Variants in THBS4 observed in about 807,000 individuals in gnomAD.
The protein encoded by THBS4 is thrombospondin 4.
A neutral mutation model predicts 115.7 loss-of-function variants in THBS4; 90 were observed. That is an observed-to-expected ratio of 0.78 (90% CI 0.66 to 0.93). The LOEUF is 0.93. THBS4 is among the 40% of genes least tolerant of loss of function. The pLI is 0.00. For missense variants in THBS4, 1,087 were observed against 1,232.7 expected (o/e 0.88, Z 1.77); for synonymous variants, 460 against 479.3 (o/e 0.96, Z 0.53).
intron 2 of THBS4, among the ~76,000 whole-genome samples, chr5:80,028,868 C>G (rs1294616710): frequency 6.6e-6 from 1 of 152,100 alleles, no homozygotes; most frequent in Non-Finnish European, 1.5e-5. Flanking sequence ...CTGTACCCCC[C>G]TCCCTGTTTT....
At chr5:80,019,853 A>G (rs1832327983) in intron 2 of THBS4, 1 of 164,436 alleles carries the variant, frequency 6.1e-6, no homozygotes, top group Admixed American at 6.0e-5. Context: ...TGTCTCTCTC[A>G]CTGGCTCAAA....
intron 15 of THBS4, among the ~76,000 whole-genome samples, chr5:80,073,601 G>A (rs1460768922): frequency 6.6e-6 from 1 of 152,090 alleles, no homozygotes; most frequent in Non-Finnish European, 1.5e-5. Flanking sequence ...AGCCAGGATG[G>A]TCTCGATCTC....
intron 2 of THBS4, 127 bp downstream of exon 2, chr5:80,040,407 T>A: frequency 1.4e-6 from 1 of 725,108 alleles, no homozygotes; most frequent in Non-Finnish European, 2.2e-6. Context: ...TTTCAGTTTT[T>A]AATACTGAAT....
intron 2 of THBS4, among the ~76,000 whole-genome samples, chr5:80,046,350 A>G (rs551066152): frequency 1.3e-5 from 2 of 152,370 alleles, no homozygotes; most frequent in African/African-American, 4.8e-5. Context: ...TAGTGAAGAA[A>G]GTCATAGTGG....
chr5:80,065,007 G>T (rs1833764089), intron 8 of THBS4, among the ~76,000 whole-genome samples: 1 of 151,942 alleles, frequency 6.6e-6, no homozygotes, highest in African/African-American at 2.4e-5. Flanking sequence ...TCCAATTGTA[G>T]TTCCAAAGAA....
chr5:80,022,290 C>T (rs1266999261), intron 2 of THBS4, among the ~76,000 whole-genome samples: 1 of 152,150 alleles, frequency 6.6e-6, no homozygotes, highest in East Asian at 1.9e-4. Flanking sequence ...AAAATTTCTA[C>T]CCCAAGTTTT....
intron 2 of THBS4, among the ~76,000 whole-genome samples, chr5:80,042,960 G>A (rs62363964): frequency 3.3e-5 from 5 of 151,952 alleles, no homozygotes; most frequent in Non-Finnish European, 5.9e-5. Flanking sequence ...GTGACAGAGC[G>A]AGACTCTGTC....
At chr5:80,032,272 CA>C (rs1832600319), upstream of THBS4, among the ~76,000 whole-genome samples, 1 of 152,140 alleles carries the variant, frequency 6.6e-6, no homozygotes, top group South Asian at 2.1e-4. Context: ...CATAAAAATG[CA>C]AGCCCTCTAA....
intron 17 of THBS4, 166 bp from the exon 18 acceptor site, chr5:80,078,755 C>T: frequency 1.7e-6 from 1 of 577,506 alleles, no homozygotes; most frequent in Non-Finnish European, 2.9e-6. Flanking sequence ...CACATGCTTT[C>T]TTTGAGCACA....
chr5:80,069,415 G>A (rs1833951805), intron 10 of THBS4, among the ~76,000 whole-genome samples: 1 of 152,046 alleles, frequency 6.6e-6, no homozygotes, highest in Non-Finnish European at 1.5e-5. Flanking sequence ...CTCATGGTTG[G>A]GCTTGTTTAT....
At chr5:80,076,741 A>T in intron 15 of THBS4, 114 bp from the exon 16 acceptor site, 1 of 1,140,604 alleles carries the variant, frequency 8.8e-7, no homozygotes. Context: ...GTTTGATTTT[A>T]AGAGCCAACC....
Position 80,054,176 on chromosome 5 carries a change from A to T in THBS4, c.293-1609A>T, listed in dbSNP as rs1324197775. ...TTTCTTTTCTTTTTTTTTTTTTTTG[A>T]GACAGGATCGCTCTTTTGCCCAGGC... On this transcript the variant is annotated intron_variant, in intron 2 of 21. Coordinates refer to ENST00000350881, the MANE Select transcript of THBS4 (RefSeq NM_003248.6). 7.8e-3 allele frequency among the ~76,000 whole-genome samples: 787 copies of T among 100,408 alleles called. 7 individuals carry two copies. The highest frequency in any genetic ancestry group is 0.034 in the African/African-American group (754 of 22,492). 65.9% of individuals were successfully genotyped at this position (100,408 alleles called of 152,430 possible).
chr5:80,079,961 G>A lies in THBS4; in HGVS notation c.2568G>A (p.Thr856=), dbSNP rs931228749. ...GEHLRNSLWH[T]GDTSDQVRLL... ...ATCTCCGGAACTCCCTGTGGCACAC[G>A]GGGGACACCAGTGACCAGGTCAGGC... is the stretch of plus-strand genomic sequence containing the variant. The change falls in exon 20 of 22, where the codon ACG becomes ACA. Residue 856 remains threonine, a synonymous_variant. Transcript: ENST00000350881. The A allele has an allele frequency of 1.1e-5, 17 of 1,613,844 alleles. No homozygotes were observed. In the East Asian group the frequency reaches 1.3e-4, roughly 13 times the overall value.
chr5:80,042,004 T>C (rs557073728), intron 2 of THBS4, among the ~76,000 whole-genome samples: 44 of 152,372 alleles, frequency 2.9e-4, no homozygotes, highest in African/African-American at 1.0e-3. Flanking sequence ...AATGGGACTT[T>C]AACCCCTTCT....
intron 2 of THBS4, among the ~76,000 whole-genome samples, chr5:80,001,124 A>T (rs1038454772): frequency 1.3e-5 from 2 of 152,232 alleles, no homozygotes; most frequent in Non-Finnish European, 2.9e-5. Flanking sequence ...CATAAGCCAG[A>T]TGATATCTTA....
chr5:80,061,697 C>A lies in THBS4; in HGVS notation c.990C>A (p.Cys330Ter), dbSNP rs746246654. The A allele has an allele frequency of 2.5e-6, 4 of 1,610,966 alleles. No homozygotes were observed. In the East Asian group the frequency reaches 8.9e-5, roughly 36 times the overall value. ...ACTTTGAACTTTTTTGTCTCCAGTG[C>A]AAATACCATCCCTGCTACCCGGGCG... Reference protein sequence around the residue: ...NGITCIDVDECKYHPCYPGVH... With the variant: ...NGITCIDVDE Residue 330 changes from cysteine (C) to a stop codon, truncating the protein, a stop_gained and splice_region_variant, in exon 8 of 22, where the codon TGC becomes TGA. Coordinates refer to ENST00000350881, the MANE Select transcript of THBS4 (RefSeq NM_003248.6). LOFTEE classifies it high-confidence loss of function.
chr5:80,083,076 G>T lies in THBS4; in HGVS notation c.2825-4G>T, dbSNP rs1220789212. 1 of 1,613,784 alleles carries T rather than the reference G, an allele frequency of 6.2e-7. No homozygotes were observed. Among genetic ancestry groups the T allele is most frequent in the Non-Finnish European group, 8.5e-7 (1 of 1,179,662 alleles). ...TAACCTCCCTGTGCCCATTCCTATT[G>T]CAGACACCATCCCTGAGGACTTCCA... On this transcript the variant is annotated splice_region_variant and splice_polypyrimidine_tract_variant and intron_variant, in intron 21 of 21. Transcript: ENST00000350881.
intron 6 of THBS4, 56 bp downstream of exon 6, chr5:80,059,547 G>T: frequency 6.2e-7 from 1 of 1,606,414 alleles, no homozygotes; most frequent in Non-Finnish European, 8.5e-7. Flanking sequence ...GGCTGATGAA[G>T]GGCTTGCGGT....
Position 80,068,044 on chromosome 5 carries a change from A to T in THBS4, c.1266A>T (p.Arg422Ser), listed in dbSNP as rs1262138589. The change falls in exon 10 of 22, where the codon AGA (arginine) becomes AGT (serine). Residue 422 changes from arginine (R) to serine (S), a missense_variant. This residue lies in a region of THBS4 where 979 missense variants were observed against 1,103.7 expected (regional missense o/e 0.89). Transcript: ENST00000350881. ...GDQIRGCKAE[R>S]NCRNPELNPC... is the part of the protein sequence containing the mutation. Reference sequence around the variant, plus strand: ...AGATAAGGGGATGCAAAGCGGAAAGAAACTGCAGAAACCCAGAGCTGAACC... The same window carrying T: ...AGATAAGGGGATGCAAAGCGGAAAGTAACTGCAGAAACCCAGAGCTGAACC... 1 of 1,614,222 alleles carries T rather than the reference A, an allele frequency of 6.2e-7. No homozygotes were observed. Among genetic ancestry groups the T allele is most frequent in the South Asian group, 1.1e-5 (1 of 91,082 alleles).
Sources: gnomAD v4.1 joint callset for allele counts (sites outside exome capture counted in the v4.1 genomes callset) on GRCh38, gnomAD v4.1.1 for gene constraint, gnomAD v4.1.1 regional missense constraint, MANE v1.5 for transcripts, NCBI Gene and HGNC (gene_info 2026-07-23, HGNC 2026-07-21) for gene names.